Variants in PDE4DIP observed in about 807,000 individuals in gnomAD.
PDE4DIP encodes the protein phosphodiesterase 4D interacting protein, also known as myomegalin.
Under a neutral mutation model 221.4 loss-of-function variants are expected in PDE4DIP, and 59 were observed. The ratio of observed to expected loss-of-function variants is 0.27; its 90% CI spans 0.22 to 0.33. The LOEUF (loss-of-function observed/expected upper bound fraction) is 0.33, where lower values mean the gene tolerates loss of function less well. Among genes scored for constraint, PDE4DIP ranks in the 10% least tolerant of loss-of-function variants. The pLI, the probability that PDE4DIP is intolerant of heterozygous loss-of-function variation, is 1.00. For synonymous variants in PDE4DIP, 404 were observed against 815.9 expected (o/e 0.50, Z 8.60); for missense variants, 1,036 against 2,154.2 (o/e 0.48, Z 10.28).
intron 1 of PDE4DIP, among the ~76,000 whole-genome samples, chr1:148,920,032 T>C (rs1406319704): frequency 2.1e-5 from 3 of 146,190 alleles, no homozygotes; most frequent in Non-Finnish European, 4.5e-5. Context: ...ACTTAGGTTT[T>C]GGCAATCTTT....
Position 149,026,839 on chromosome 1 carries a change from TG to T in PDE4DIP, c.6442+10del. On this transcript the variant is annotated intron_variant, in intron 39 of 43. Coordinates refer to ENST00000369354, the Ensembl canonical transcript of PDE4DIP. ...TAATCAACAGAGCAAATGGTAAATA[TG>T]GCAACTAAAGGGCCCAGGGACTGAT... 1 of 579,530 alleles carries T rather than the reference TG, an allele frequency of 1.7e-6. No individual in the cohort carries two copies. Among genetic ancestry groups the T allele is most frequent in the Non-Finnish European group, 3.1e-6 (1 of 326,676 alleles). The allele number at this position is 579,530 out of a possible 1,614,324, so 35.9% of individuals were successfully genotyped here.
intron 1 of PDE4DIP, among the ~76,000 whole-genome samples, chr1:148,828,756 A>T (rs1298059699): frequency 6.7e-6 from 1 of 149,336 alleles, no homozygotes; most frequent in East Asian, 2.0e-4. Context: ...GGGTGTTGAA[A>T]GGATAAAGGG....
At chr1:148,989,746 C>G (rs2062639628) in intron 21 of PDE4DIP, among the ~76,000 whole-genome samples, 1 of 152,178 alleles carries the variant, frequency 6.6e-6, no homozygotes, top group Admixed American at 6.5e-5. Flanking sequence ...AATTCATTTC[C>G]TTTGCTGGAA....
intron 4 of PDE4DIP, among the ~76,000 whole-genome samples, chr1:148,934,728 C>A (rs587706990): frequency 6.6e-6 from 1 of 151,860 alleles, no homozygotes; most frequent in African/African-American, 2.4e-5. Context: ...CTCAGCCTCC[C>A]GAGTAGCTGG....
At chr1:149,030,918 GTGCTT>G (rs1351617153) in intron 43 of PDE4DIP, 2 of 437,526 alleles carry the variant, frequency 4.6e-6, no homozygotes, top group African/African-American at 2.2e-5. Flanking sequence ...TCCCTAGGAA[GTGCTT>G]TGAAGAAAAA....
At chr1:148,919,183 T>C (rs1412834839) in intron 1 of PDE4DIP, among the ~76,000 whole-genome samples, 1 of 145,640 alleles carries the variant, frequency 6.9e-6, no homozygotes, top group Admixed American at 6.8e-5. Context: ...GTGTAAAAAC[T>C]TAATGCTTTG....
chr1:149,031,991 G>C (rs782460721), exon 44 of PDE4DIP: 13 of 1,610,062 alleles, frequency 8.1e-6, no homozygotes, highest in Non-Finnish European at 1.0e-5. Flanking sequence ...TGTGACCCTT[G>C]CCTTCCAGGA....
intron 1 of PDE4DIP, among the ~76,000 whole-genome samples, chr1:148,925,765 G>A (rs1478138138): frequency 3.5e-4 from 52 of 147,612 alleles, no homozygotes; most frequent in African/African-American, 1.1e-3. Flanking sequence ...AGAATCCCTC[G>A]TGAATACTTA....
At chr1:148,949,741 T>C (rs1553486167) in intron 5 of PDE4DIP, among the ~76,000 whole-genome samples, 3 of 152,224 alleles carry the variant, frequency 2.0e-5, no homozygotes, top group Non-Finnish European at 2.9e-5. Context: ...TGGGAACATC[T>C]TATTTTATAA....
chr1:148,976,044 TC>T (rs2060113853), intron 17 of PDE4DIP, among the ~76,000 whole-genome samples: 1 of 151,254 alleles, frequency 6.6e-6, no homozygotes, highest in Non-Finnish European at 1.5e-5. Context: ...TAGTCCCCCT[TC>T]CTTTTTGTGG....
At chr1:148,980,201 T>C (rs145384398) in intron 20 of PDE4DIP, among the ~76,000 whole-genome samples, 2,533 of 152,278 alleles carry the variant, frequency 0.017, 55 homozygotes, top group African/African-American at 0.059. Context: ...TGTTCTATTA[T>C]AAACGTAAGG....
intron 1 of PDE4DIP, among the ~76,000 whole-genome samples, chr1:148,927,203 T>G (rs513143): frequency 1.7e-4 from 26 of 152,072 alleles, no homozygotes; most frequent in East Asian, 7.7e-4. Context: ...AACTTTAAAG[T>G]ATATCCTGAA....
chr1:148,823,551 CAGCTCCGAGAA>C, intron 1 of PDE4DIP, among the ~76,000 whole-genome samples: 1 of 149,662 alleles, frequency 6.7e-6, no homozygotes, highest in African/African-American at 2.5e-5. Context: ...CCTACAACAC[CAGCTCCGAGAA>C]AGTGGATGCA....
chr1:148,961,675 G>A (rs1297771345), intron 6 of PDE4DIP, among the ~76,000 whole-genome samples, 162 bp from the exon 10 acceptor site: 1 of 151,668 alleles, frequency 6.6e-6, no homozygotes, highest in African/African-American at 2.4e-5. Context: ...ACTTTTTGTT[G>A]CTGATTGACT....
chr1:149,012,654 C>T lies in PDE4DIP; in HGVS notation c.5144C>T (p.Pro1715Leu), dbSNP rs587669053. The change falls in exon 32 of 44, where the codon CCA becomes CTA. Residue 1715 changes from proline (P) to leucine (L), a missense_variant. By Grantham distance (98) the Pro-to-Leu change is moderately conservative. Coordinates refer to ENST00000369354, the Ensembl canonical transcript of PDE4DIP. ...CCTCAGGCACCATTGCCCTCAGCTC[C>T]ATCCAGCTTCCTGCCTTTCAGCCCC... is the stretch of plus-strand genomic sequence containing the variant. 26 of 1,612,838 alleles carry T rather than the reference C, an allele frequency of 1.6e-5. No individual in the cohort carries two copies. The Admixed American group carries it at 3.3e-4, about 21-fold the overall frequency.
At chr1:148,865,167 C>A (rs1686062209) in intron 2 of PDE4DIP, among the ~76,000 whole-genome samples, 1 of 139,078 alleles carries the variant, frequency 7.2e-6, no homozygotes, top group South Asian at 2.2e-4. Context: ...CGGCTCACTG[C>A]AACCTCCGCC....
intron 1 of PDE4DIP, among the ~76,000 whole-genome samples, chr1:148,892,569 A>G (rs1254201654): frequency 8.3e-6 from 1 of 120,920 alleles, no homozygotes; most frequent in Non-Finnish European, 1.7e-5. Context: ...GGAAGTAGAT[A>G]TGGCCCTGTC....
chr1:149,000,786 A>G (rs1222826298), intron 23 of PDE4DIP, among the ~76,000 whole-genome samples: 2 of 151,176 alleles, frequency 1.3e-5, no homozygotes, highest in African/African-American at 2.4e-5. Context: ...TAACTCTACT[A>G]GGTAAGTGTT....
At chr1:148,971,439 A>T (rs868991308) in intron 14 of PDE4DIP, among the ~76,000 whole-genome samples, 2 of 149,348 alleles carry the variant, frequency 1.3e-5, no homozygotes. Context: ...TTTTAAAAAA[A>T]ATTTTTTCCC....
Sources: allele counts gnomAD v4.1 joint callset (sites outside exome capture counted in the v4.1 genomes callset), GRCh38; gene constraint gnomAD v4.1.1; transcripts MANE v1.5; gene names NCBI Gene and HGNC (gene_info 2026-07-23, HGNC 2026-07-21).